The following MYH15 variants were observed in gnomAD, a reference collection of about 807,000 sequenced individuals.
MYH15 encodes the protein myosin-15.
A neutral mutation model predicts 240.5 loss-of-function variants in MYH15; 227 were observed. The observed-to-expected ratio is 0.94, with a 90% CI of 0.85 to 1.05. The LOEUF (loss-of-function observed/expected upper bound fraction) is 1.05. MYH15 is among the 50% of genes least tolerant of loss of function. MYH15 has a pLI of 0.00. For missense variants in MYH15, 2,217 were observed against 2,247.5 expected (o/e 0.99, Z 0.27); for synonymous variants, 785 against 796.7 (o/e 0.99, Z 0.25).
chr3:108,395,490 T>A (rs2082452851), intron 35 of MYH15, among the ~76,000 whole-genome samples: 1 of 152,190 alleles, frequency 6.6e-6, no homozygotes, highest in Admixed American at 6.5e-5. Flanking sequence ...CAGCACAGAC[T>A]CCATAGAAAC....
chr3:108,476,438 C>T lies in MYH15; in HGVS notation c.1192G>A (p.Val398Ile), dbSNP rs1380535875. ...VKCLIHPRIK[V>I]GNEYVTRGQT... is the part of the protein sequence containing the mutation. Reference sequence around the variant, plus strand: ...CCTCTGGTAACATATTCGTTACCAACTTTGATTCTAGGATGGATCAAGCAC... The same window carrying T: ...CCTCTGGTAACATATTCGTTACCAATTTTGATTCTAGGATGGATCAAGCAC... The change falls in exon 12 of 41, where the codon GTT becomes ATT. Residue 398 changes from valine to isoleucine, a missense_variant. Val to Ile is a conservative substitution (Grantham distance 29, BLOSUM62 3). Coordinates refer to ENST00000693548, the MANE Select transcript of MYH15 (RefSeq NM_014981.3). 1.9e-6 allele frequency: 3 copies of T among 1,613,090 alleles called. No homozygotes were observed. The highest frequency in any genetic ancestry group is 8.5e-7 in the Non-Finnish European group (1 of 1,179,354).
rs1212068837 is a variant in MYH15 at position 108,408,413 on chromosome 3, A to T, written c.4496-9T>A. The stretch of plus-strand genomic sequence containing the variant: ...CAGATTAGAAATCTCTTCTGGAGAC[A>T]GAGGTAAGAAAAACAAAGTTAGTGA... On this transcript the variant is annotated splice_polypyrimidine_tract_variant and intron_variant, in intron 31 of 40. Transcript: ENST00000693548. The T allele has an allele frequency of 6.2e-7, 1 of 1,602,188 alleles. No individual in the cohort carries two copies. The highest frequency in any genetic ancestry group is 2.2e-5 in the East Asian group (1 of 44,764).
At chr3:108,434,749 G>T (rs1341915271) in intron 25 of MYH15, among the ~76,000 whole-genome samples, 1 of 152,114 alleles carries the variant, frequency 6.6e-6, no homozygotes, top group Non-Finnish European at 1.5e-5. Context: ...GTATACATGA[G>T]AGTGTTCCTC....
chr3:108,449,565 C>T (rs1252345104), intron 21 of MYH15, among the ~76,000 whole-genome samples: 1 of 151,942 alleles, frequency 6.6e-6, no homozygotes, highest in Non-Finnish European at 1.5e-5. Context: ...TCATCTCACA[C>T]CATATACAAA....
chr3:108,547,885 C>T, the MYH15 span, among the ~76,000 whole-genome samples: 2,921 of 152,210 alleles, frequency 0.019, 105 homozygotes, highest in African/African-American at 0.067. Flanking sequence ...GCAGTATCTG[C>T]CCACAAATTA....
chr3:108,453,969 A>T, intron 21 of MYH15, 37 bp downstream of exon 21: 1 of 1,595,204 alleles, frequency 6.3e-7, no homozygotes, highest in Non-Finnish European at 8.6e-7. Context: ...GCACACTATT[A>T]CCCTAGCAGT....
At chr3:108,525,029 A>G (rs576648728) in intron 1 of MYH15, among the ~76,000 whole-genome samples, 1 of 152,154 alleles carries the variant, frequency 6.6e-6, no homozygotes, top group South Asian at 2.1e-4. Flanking sequence ...CAAGAACTTA[A>G]TTACATAGTT....
Position 108,401,387 on chromosome 3 carries a change from G to A in MYH15, c.4737-2120C>T, listed in dbSNP as rs557853044. Among the ~76,000 whole-genome samples, 210 of 152,280 alleles carry A rather than the reference G, an allele frequency of 1.4e-3. 2 individuals are homozygous for A. Among genetic ancestry groups the A allele is most frequent in the African/African-American group, 4.9e-3 (202 of 41,558 alleles). ...GCAGTGAAAATGTGACCGTCTGCAA[G>A]CCAAGGAGGATCATCAGGAGAAACC... On this transcript the variant is annotated intron_variant, in intron 33 of 40. Coordinates refer to ENST00000693548, the MANE Select transcript of MYH15 (RefSeq NM_014981.3).
intron 1 of MYH15, among the ~76,000 whole-genome samples, chr3:108,517,126 T>C (rs1213763997): frequency 6.6e-6 from 1 of 152,216 alleles, no homozygotes; most frequent in Non-Finnish European, 1.5e-5. Context: ...CATTTACTAA[T>C]CAAAGGTCCA....
At chr3:108,542,004 G>A in the MYH15 span, among the ~76,000 whole-genome samples, 1 of 152,044 alleles carries the variant, frequency 6.6e-6, no homozygotes, top group African/African-American at 2.4e-5. Flanking sequence ...AAAAAAATTA[G>A]TGATTCTGTG....
intron 25 of MYH15, among the ~76,000 whole-genome samples, chr3:108,434,458 A>G (rs2082813708): frequency 6.6e-6 from 1 of 152,016 alleles, no homozygotes; most frequent in East Asian, 1.9e-4. Flanking sequence ...CTGGGATTAC[A>G]GGCATGAGCC....
chr3:108,469,705 C>G lies in MYH15; in HGVS notation c.1554+337G>C, dbSNP rs139403289. On this transcript the variant is annotated intron_variant, in intron 14 of 40. Coordinates refer to ENST00000693548, the MANE Select transcript of MYH15 (RefSeq NM_014981.3). Reference sequence around the variant, plus strand: ...CCTTATGTTAATCAGTTAGGCCCTACAGTGCTCATATTTTTAGCTCTGTGT... The same window carrying G: ...CCTTATGTTAATCAGTTAGGCCCTAGAGTGCTCATATTTTTAGCTCTGTGT... 2.9e-4 allele frequency among the ~76,000 whole-genome samples: 44 copies of G among 152,334 alleles called. No homozygotes were observed. The East Asian group carries it at 7.5e-3, about 26-fold the overall frequency.
At chr3:108,439,251 A>G (rs2082866172) in intron 24 of MYH15, among the ~76,000 whole-genome samples, 1 of 152,238 alleles carries the variant, frequency 6.6e-6, no homozygotes, top group South Asian at 2.1e-4. Context: ...CATCTCTAGA[A>G]TCTTAAAAGT....
chr3:108,492,235 C>CACA (rs766855672), intron 9 of MYH15, among the ~76,000 whole-genome samples: 4 of 151,386 alleles, frequency 2.6e-5, no homozygotes, highest in Admixed American at 1.3e-4. Context: ...CACTCACTCA[C>CACA]CTCTGCTGGG....
intron 1 of MYH15, among the ~76,000 whole-genome samples, chr3:108,520,099 T>G (rs1036299366): frequency 1.3e-5 from 2 of 152,202 alleles, no homozygotes; most frequent in Admixed American, 1.3e-4. Flanking sequence ...ATAATTAAGA[T>G]GTGGCTTCTG....
At position 108,455,800 on chromosome 3, in the gene MYH15, G is replaced by A. The variant is rs1387192147; in HGVS notation, c.2198C>T (p.Ala733Val). Residue 733 changes from alanine (A) to valine (V), a missense_variant, in exon 20 of 41, where the codon GCA (alanine) becomes GTA (valine). Physicochemically the swap from Ala to Val is moderately conservative, Grantham distance 64. Coordinates refer to ENST00000693548, the MANE Select transcript of MYH15 (RefSeq NM_014981.3). ...CAAGGAGCCAAGTAATTCTTCAGCT[G>A]CTTTTCTGCTGCTCACAAACTTGCT... Reference protein sequence around the residue: ...PKSKFVSSRKAAEELLGSLEI... With the variant: ...PKSKFVSSRKVAEELLGSLEI... The A allele has an allele frequency of 1.2e-6, 2 of 1,613,332 alleles. No individual in the cohort carries two copies. Among genetic ancestry groups the A allele is most frequent in the South Asian group, 2.2e-5 (2 of 91,068 alleles).
intron 12 of MYH15, among the ~76,000 whole-genome samples, chr3:108,473,644 G>C (rs959777044): frequency 9.2e-5 from 14 of 152,060 alleles, no homozygotes; most frequent in African/African-American, 2.9e-4. Context: ...TCCATACAAA[G>C]CACTTAGTAC....
In MYH15 at chr3:108,485,237, A is replaced by G. The variant is rs761982431; in HGVS notation, c.976-8T>C. The G allele has an allele frequency of 1.2e-6, 2 of 1,613,740 alleles. No individual in the cohort carries two copies. The highest frequency in any genetic ancestry group is 3.3e-5 in the Admixed American group (2 of 59,962). Reference sequence around the variant, plus strand: ...CAAGATGTCCATGGCTTGCTGTAAAAAGAGAAACAGATGGCCCTGTCTTCA... The same window carrying G: ...CAAGATGTCCATGGCTTGCTGTAAAGAGAGAAACAGATGGCCCTGTCTTCA... On this transcript the variant is annotated splice_polypyrimidine_tract_variant and splice_region_variant and intron_variant, in intron 10 of 40. Transcript: ENST00000693548.
chr3:108,417,802 C>T (rs202235827), intron 28 of MYH15, among the ~76,000 whole-genome samples: 19,932 of 121,420 alleles, frequency 0.16, 2,093 homozygotes, highest in East Asian at 0.62. Context: ...TATATACACA[C>T]ACACACACAC....
Sources: allele counts gnomAD v4.1 joint callset (sites outside exome capture counted in the v4.1 genomes callset), GRCh38; gene constraint gnomAD v4.1.1; transcripts MANE v1.5; gene names NCBI Gene and HGNC (gene_info 2026-07-23, HGNC 2026-07-21).